NUP93: variants seen among roughly 807,000 people sequenced by gnomAD.
The protein encoded by NUP93 is nucleoporin 93.
In NUP93, 55 loss-of-function variants were observed where a neutral mutation model predicts 107.8. The ratio of observed to expected loss-of-function variants is 0.51; its 90% CI spans 0.41 to 0.64. The LOEUF (loss-of-function observed/expected upper bound fraction) is 0.64. Among genes scored for constraint, NUP93 ranks in the 30% least tolerant of loss-of-function variants. The pLI is 0.00. For missense variants in NUP93, 937 were observed against 1,044.7 expected, an observed-to-expected ratio of 0.90 and a Z score of 1.42; for synonymous variants, 390 against 397.5, an observed-to-expected ratio of 0.98 and a Z score of 0.22.
chr16:56,841,770 G>A lies in NUP93; in HGVS notation c.2286G>A (p.Arg762=). 1.2e-6 allele frequency: 2 copies of A among 1,614,188 alleles called. No individual in the cohort carries two copies. The highest frequency in any genetic ancestry group is 1.7e-6 in the Non-Finnish European group (2 of 1,180,018). The change falls in exon 21 of 22, where the codon AGG becomes AGA. Residue 762 remains arginine (R), a synonymous_variant. Transcript: ENST00000308159. ...TMNILFTQFK[R]LKGTSPSSSS... Reference sequence around the variant, plus strand: ...ACATCTTGTTCACACAGTTTAAGAGGCTCAAGGGGACAAGTCCATCCTCGT... The same window carrying A: ...ACATCTTGTTCACACAGTTTAAGAGACTCAAGGGGACAAGTCCATCCTCGT...
At chr16:56,736,165 A>G (rs1961609697) in intron 1 of NUP93, among the ~76,000 whole-genome samples, 1 of 152,176 alleles carries the variant, frequency 6.6e-6, no homozygotes, top group South Asian at 2.1e-4. Context: ...CACCATCTCT[A>G]CTAAAAATAC....
intron 3 of NUP93, among the ~76,000 whole-genome samples, chr16:56,776,169 A>T (rs532481215): frequency 6.6e-6 from 1 of 152,148 alleles, no homozygotes; most frequent in African/African-American, 2.4e-5. Context: ...TGAGAAAGCT[A>T]CATTTTATTT....
chr16:56,731,310 GC>G (rs1257755802), intron 1 of NUP93, among the ~76,000 whole-genome samples: 8 of 151,796 alleles, frequency 5.3e-5, no homozygotes, highest in Non-Finnish European at 8.8e-5. Context: ...TGCTCCTGTT[GC>G]CTCTTTTTTC....
At chr16:56,761,572 G>C (rs144959633) in intron 3 of NUP93, among the ~76,000 whole-genome samples, 2 of 102,316 alleles carry the variant, frequency 2.0e-5, no homozygotes, top group Non-Finnish European at 4.3e-5. Flanking sequence ...TTTTTTTTTT[G>C]AGGTGAGAAT....
chr16:56,787,774 G>A (rs532832506), intron 3 of NUP93, among the ~76,000 whole-genome samples: 11 of 152,188 alleles, frequency 7.2e-5, no homozygotes, highest in Non-Finnish European at 1.5e-4. Flanking sequence ...TCCTTTGGAA[G>A]TGGATTAATG....
At chr16:56,830,970 T>C (rs187401828) in intron 10 of NUP93, among the ~76,000 whole-genome samples, 5 of 152,340 alleles carry the variant, frequency 3.3e-5, no homozygotes, top group African/African-American at 1.2e-4. Flanking sequence ...TGACTTATTC[T>C]GTAAATCTAA....
chr16:56,836,487 G>T, intron 16 of NUP93, 114 bp from the exon 17 acceptor site: 1 of 687,302 alleles, frequency 1.5e-6, no homozygotes, highest in South Asian at 1.7e-5. Flanking sequence ...GTTGCCCAGG[G>T]CAAGCAATTC....
At chr16:56,828,810 A>G (rs1963721657) in intron 8 of NUP93, among the ~76,000 whole-genome samples, 167 bp from the exon 9 acceptor site, 1 of 152,256 alleles carries the variant, frequency 6.6e-6, no homozygotes. Context: ...CCCACTGAGT[A>G]ATAATGTAGT....
intron 2 of NUP93, among the ~76,000 whole-genome samples, chr16:56,756,261 G>T (rs1038315348): frequency 7.0e-6 from 1 of 142,102 alleles, no homozygotes; most frequent in African/African-American, 2.7e-5. Flanking sequence ...GCCTGCATGC[G>T]TTAGGTATTT....
Position 56,839,624 on chromosome 16 carries a change from G to C in NUP93, c.2220+20G>C, listed in dbSNP as rs760206354. On this transcript the variant is annotated intron_variant, in intron 20 of 21. Coordinates refer to ENST00000308159, the MANE Select transcript of NUP93 (RefSeq NM_014669.5). ...GATGAAGTAAGTTCCTTCTTCCTGA[G>C]TTGTGGAATTCCTTTTTCCCCACTT... is the stretch of plus-strand genomic sequence containing the variant. 1.9e-6 allele frequency: 3 copies of C among 1,584,670 alleles called. No individual in the cohort carries two copies. The Admixed American group carries it at 5.0e-5, about 26-fold the overall frequency.
chr16:56,794,971 G>T (rs1345834777), intron 3 of NUP93, among the ~76,000 whole-genome samples: 1 of 145,004 alleles, frequency 6.9e-6, no homozygotes, highest in Non-Finnish European at 1.5e-5. Flanking sequence ...AATTGGATAG[G>T]CTGGTCATTA....
intron 4 of NUP93, among the ~76,000 whole-genome samples, chr16:56,804,082 A>G (rs947752468): frequency 6.6e-6 from 1 of 152,162 alleles, no homozygotes; most frequent in Non-Finnish European, 1.5e-5. Context: ...GTTGGTGAGG[A>G]TGTAGAGAAA....
rs976662520 is a variant in NUP93, at chr16:56,833,999, A to G, written c.1538-129A>G. The G allele has an allele frequency of 3.0e-5, 40 of 1,322,250 alleles. No individual in the cohort carries two copies. The African/African-American group carries it at 5.5e-4, about 18-fold the overall frequency. 81.9% of individuals were successfully genotyped at this position (1,322,250 alleles called of 1,614,324 possible). A position where few individuals can be genotyped will look rare whatever the true frequency, so the allele number is the denominator to read the frequency against. On this transcript the variant is annotated intron_variant, in intron 13 of 21. Coordinates refer to ENST00000308159, the MANE Select transcript of NUP93 (RefSeq NM_014669.5). Reference sequence around the variant, plus strand: ...GTAAAAGGGACTGGCCAAAGCTTATATTAGCAAACTTTGACTGGGCTGCAG... The same window carrying G: ...GTAAAAGGGACTGGCCAAAGCTTATGTTAGCAAACTTTGACTGGGCTGCAG...
At chr16:56,761,986 T>A (rs972050625) in intron 3 of NUP93, among the ~76,000 whole-genome samples, 24 of 152,356 alleles carry the variant, frequency 1.6e-4, no homozygotes, top group Middle Eastern at 3.4e-3. Context: ...AGAATTTTTT[T>A]AATGTTTATT....
Position 56,846,969 on chromosome 16 carries a change from AGGTTCTTTGACCTGTAGATG to A in NUP93, c.*2364_*2383del, listed in dbSNP as rs71152207. On this transcript the variant is annotated 3_prime_UTR_variant, in exon 22 of 22. Coordinates refer to ENST00000308159, the MANE Select transcript of NUP93 (RefSeq NM_014669.5). ...ACACCAGCCCTGCATCCAGGGGATG[AGGTTCTTTGACCTGTAGATG>A]GGTCCTAAAATGAGAAGGGAGAGAA... The A allele has an allele frequency of 0.23, 35,111 of 152,008 alleles. 4,335 individuals carry two copies. Among genetic ancestry groups the A allele is most frequent in the Non-Finnish European group, 0.27 (18,196 of 67,918 alleles). 9.4% of individuals were successfully genotyped at this position (152,008 alleles called of 1,614,324 possible). A position where few individuals can be genotyped will look rare whatever the true frequency, so the allele number is the denominator to read the frequency against.
intron 4 of NUP93, among the ~76,000 whole-genome samples, chr16:56,801,444 G>T (rs1963019527): frequency 6.6e-6 from 1 of 152,114 alleles, no homozygotes; most frequent in Non-Finnish European, 1.5e-5. Flanking sequence ...ACAGGGTCTT[G>T]CTCTGTCACC....
chr16:56,795,185 G>A (rs1318441501), intron 3 of NUP93, among the ~76,000 whole-genome samples: 3 of 152,072 alleles, frequency 2.0e-5, no homozygotes, highest in African/African-American at 7.2e-5. Context: ...ACAAAAAGGT[G>A]CCACAGAGCA....
Position 56,751,548 on chromosome 16 carries a change from T to C in NUP93, c.179+3122T>C, listed in dbSNP as rs1182983790. ...ATTCCTCATATTTGTATGGTACTTT[T>C]CAGTTTCTGAAGGATTGTCACAGGC... On this transcript the variant is annotated intron_variant, in intron 2 of 21. Coordinates refer to ENST00000308159, the MANE Select transcript of NUP93 (RefSeq NM_014669.5). 3.3e-5 allele frequency among the ~76,000 whole-genome samples: 5 copies of C among 152,254 alleles called. No individual in the cohort carries two copies. The South Asian group carries it at 1.0e-3, about 32-fold the overall frequency.
chr16:56,744,707 C>T (rs1961793906), intron 1 of NUP93, among the ~76,000 whole-genome samples: 1 of 152,076 alleles, frequency 6.6e-6, no homozygotes, highest in Non-Finnish European at 1.5e-5. Context: ...TTCCGTTCAC[C>T]TGGTTTTTGG....
Sources: gnomAD v4.1 joint callset for allele counts (sites outside exome capture counted in the v4.1 genomes callset) on GRCh38, gnomAD v4.1.1 for gene constraint, MANE v1.5 for transcripts, NCBI Gene and HGNC (gene_info 2026-07-23, HGNC 2026-07-21) for gene names.